TFEC: variants seen among roughly 807,000 people sequenced by gnomAD.
The protein encoded by TFEC is class E basic helix-loop-helix protein 34.
A neutral mutation model predicts 41.6 loss-of-function variants in TFEC; 31 were observed. That is an observed-to-expected ratio of 0.74 (90% CI 0.56 to 1.01). The LOEUF (loss-of-function observed/expected upper bound fraction) is 1.01. Among genes scored for constraint, TFEC ranks in the 50% least tolerant of loss-of-function variants. The probability of loss-of-function intolerance (pLI) is 0.00; values close to 1 mark genes in which losing one functional copy is unlikely to be tolerated. For synonymous variants in TFEC, 143 were observed against 140.6 expected, an observed-to-expected ratio of 1.02 and a Z score of -0.12; for missense variants, 402 against 404.1, an observed-to-expected ratio of 0.99 and a Z score of 0.04.
At position 115,938,767 on chromosome 7, in the gene TFEC, T is replaced by G. The variant is rs922972855; in HGVS notation, c.*1784A>C. The G allele has an allele frequency of 6.6e-6, 1 of 151,844 alleles. No homozygotes were observed. Among genetic ancestry groups the G allele is most frequent in the African/African-American group, 2.4e-5 (1 of 41,390 alleles). 9.4% of individuals were successfully genotyped at this position (151,844 alleles called of 1,614,324 possible). On this transcript the variant is annotated 3_prime_UTR_variant, in exon 8 of 8. Transcript: ENST00000265440. ...CATCTCACTCATTAGTAATATATAT[T>G]TTAGTTTTTAGCATCCTCCCTGCTA...
At chr7:116,071,904 G>C (rs1399506427) in intron 3 of TFEC, among the ~76,000 whole-genome samples, 1 of 151,332 alleles carries the variant, frequency 6.6e-6, no homozygotes, top group African/African-American at 2.4e-5. Context: ...GTATTACTTA[G>C]TAGTAACAGT....
At chr7:116,118,721 G>A (rs948621643) in intron 1 of TFEC, among the ~76,000 whole-genome samples, 4 of 151,790 alleles carry the variant, frequency 2.6e-5, no homozygotes, top group Admixed American at 6.6e-5. Context: ...CAAAACGAAA[G>A]AGAAACGTGC....
intron 1 of TFEC, among the ~76,000 whole-genome samples, chr7:115,996,538 T>A (rs1040797983): frequency 6.6e-6 from 1 of 151,786 alleles, no homozygotes; most frequent in Admixed American, 6.6e-5. Context: ...CTCCTTCTGC[T>A]TGAGAAAAGG....
chr7:116,051,081 G>A (rs1287359580), intron 3 of TFEC, among the ~76,000 whole-genome samples: 1 of 152,168 alleles, frequency 6.6e-6, no homozygotes, highest in Non-Finnish European at 1.5e-5. Flanking sequence ...CTCGCTCATA[G>A]GTGGGAATTG....
At chr7:116,060,062 A>C (rs963021418) in intron 3 of TFEC, among the ~76,000 whole-genome samples, 1 of 152,120 alleles carries the variant, frequency 6.6e-6, no homozygotes, top group Non-Finnish European at 1.5e-5. Context: ...TATGTAAAAA[A>C]ACCCAACTGA....
intron 3 of TFEC, among the ~76,000 whole-genome samples, chr7:116,060,170 A>C (rs1473023717): frequency 6.8e-6 from 1 of 148,066 alleles, no homozygotes; most frequent in Non-Finnish European, 1.5e-5. Context: ...ATACACTAGC[A>C]ATGAGCAATT....
chr7:115,945,716 A>G (rs1791496255), intron 6 of TFEC, among the ~76,000 whole-genome samples: 1 of 151,806 alleles, frequency 6.6e-6, no homozygotes, highest in Non-Finnish European at 1.5e-5. Flanking sequence ...CCTTTCTGAG[A>G]TTCATAAGGA....
chr7:116,066,779 T>C (rs1458968708), intron 3 of TFEC, among the ~76,000 whole-genome samples: 1 of 152,092 alleles, frequency 6.6e-6, no homozygotes, highest in Non-Finnish European at 1.5e-5. Flanking sequence ...TTCAGTGAAC[T>C]GAATGGTGCC....
At chr7:115,961,024 G>A (rs906745204) in intron 3 of TFEC, among the ~76,000 whole-genome samples, 5 of 151,464 alleles carry the variant, frequency 3.3e-5, no homozygotes, top group Admixed American at 6.6e-5. Flanking sequence ...AACTACAAGG[G>A]GAAATGAATA....
At chr7:116,094,974 T>C (rs1056404125) in intron 3 of TFEC, among the ~76,000 whole-genome samples, 1 of 152,186 alleles carries the variant, frequency 6.6e-6, no homozygotes, top group East Asian at 1.9e-4. Flanking sequence ...GCTTTAAATA[T>C]ATATGCCTGG....
intron 1 of TFEC, among the ~76,000 whole-genome samples, chr7:116,022,442 C>A (rs566711494): frequency 1.9e-4 from 29 of 152,128 alleles, no homozygotes; most frequent in Non-Finnish European, 3.2e-4. Context: ...AGTTTCAAAC[C>A]TGGGCTCCCA....
At chr7:116,033,341 T>C (rs548253240), upstream of TFEC, among the ~76,000 whole-genome samples, 30 of 152,256 alleles carry the variant, frequency 2.0e-4, no homozygotes, top group African/African-American at 7.2e-4. Context: ...TTGGTTAAAA[T>C]ACTTCACTTC....
At chr7:115,995,175 C>G (rs536594361) in intron 1 of TFEC, among the ~76,000 whole-genome samples, 1 of 135,964 alleles carries the variant, frequency 7.4e-6, no homozygotes, top group East Asian at 2.2e-4. Flanking sequence ...GGGTGGGGAA[C>G]ATCACACACT....
intron 5 of TFEC, among the ~76,000 whole-genome samples, chr7:115,952,297 A>G (rs1791989022): frequency 1.3e-5 from 2 of 152,038 alleles, no homozygotes; most frequent in South Asian, 4.1e-4. Flanking sequence ...CACAAAAAAC[A>G]CTGACTAGAA....
intron 2 of TFEC, among the ~76,000 whole-genome samples, chr7:115,983,135 A>G (rs73716894): frequency 0.018 from 2,745 of 152,202 alleles, 92 homozygotes; most frequent in African/African-American, 0.063. Flanking sequence ...ATCTTCATAG[A>G]CTGAATAGAG....
At chr7:116,042,718 G>A (rs1331780591) in intron 3 of TFEC, among the ~76,000 whole-genome samples, 2 of 152,138 alleles carry the variant, frequency 1.3e-5, no homozygotes, top group Admixed American at 6.6e-5. Flanking sequence ...GTCAGGCAGG[G>A]ATGATCGGGA....
At position 115,984,358 on chromosome 7, in the gene TFEC, A is replaced by G. The variant is rs1793760061; in HGVS notation, c.84T>C (p.His28=). 5 of 1,614,028 alleles carry G rather than the reference A, an allele frequency of 3.1e-6. No homozygotes were observed. Among genetic ancestry groups the G allele is most frequent in the Non-Finnish European group, 4.2e-6 (5 of 1,179,994 alleles). ...CATCACTGTCCAGAGTTGTGTGTGC[A>G]TGCTGCACAAGAGGCCCACCACTTG... is the stretch of plus-strand genomic sequence containing the variant. ...AVPSGGPLVQ[H]AHTTLDSDAG... is the part of the protein sequence containing the mutation. Residue 28 remains histidine (H), a synonymous_variant, in exon 2 of 8, where the codon CAT becomes CAC. Transcript: ENST00000265440.
At chr7:116,017,087 A>G (rs1244910168) in intron 1 of TFEC, among the ~76,000 whole-genome samples, 2 of 152,136 alleles carry the variant, frequency 1.3e-5, no homozygotes, top group Non-Finnish European at 2.9e-5. Flanking sequence ...GCATACTGTG[A>G]ATCCTTCATT....
chr7:115,994,555 C>T (rs1175737872), intron 1 of TFEC, among the ~76,000 whole-genome samples: 1 of 152,146 alleles, frequency 6.6e-6, no homozygotes. Flanking sequence ...AGGATATGAA[C>T]AGACACTTCT....
Sources: gnomAD v4.1 joint callset for allele counts (sites outside exome capture counted in the v4.1 genomes callset) on GRCh38, gnomAD v4.1.1 for gene constraint, MANE v1.5 for transcripts, NCBI Gene and HGNC (gene_info 2026-07-23, HGNC 2026-07-21) for gene names.